The following OPRD1 variants were observed in gnomAD, a reference collection of about 807,000 sequenced individuals.
OPRD1 encodes the protein delta-type opioid receptor.
Under a neutral mutation model 17.5 loss-of-function variants are expected in OPRD1, and 19 were observed. The observed-to-expected ratio is 1.09, with a 90% confidence interval of 0.76 to 1.60. The LOEUF is 1.60. Ranked by LOEUF, OPRD1 falls within the 40% of genes most tolerant of loss-of-function variation. The probability of loss-of-function intolerance (pLI) is 0.00; values close to 1 mark genes in which losing one functional copy is unlikely to be tolerated. For missense variants in OPRD1, 483 were observed against 547.2 expected (o/e 0.88, Z 1.17); for synonymous variants, 256 against 240.9 (o/e 1.06, Z -0.58).
chr1:28,815,180 A>G (rs1260488315), intron 1 of OPRD1, among the ~76,000 whole-genome samples: 1 of 152,086 alleles, frequency 6.6e-6, no homozygotes, highest in Non-Finnish European at 1.5e-5. Flanking sequence ...CGTCGCAATC[A>G]CAGCTCACTG....
At chr1:28,824,459 G>C (rs377656947) in intron 1 of OPRD1, among the ~76,000 whole-genome samples, 1 of 150,874 alleles carries the variant, frequency 6.6e-6, no homozygotes, top group Non-Finnish European at 1.5e-5. Flanking sequence ...GACTACAGGC[G>C]CCCGCCACCA....
intron 2 of OPRD1, among the ~76,000 whole-genome samples, chr1:28,860,196 CTTT>C (rs2089100891): frequency 6.6e-6 from 1 of 152,082 alleles, no homozygotes. Context: ...GAAACCCTAT[CTTT>C]ACTAAAAGTA....
intron 1 of OPRD1, among the ~76,000 whole-genome samples, chr1:28,833,303 C>T (rs2088823537): frequency 6.6e-6 from 1 of 152,206 alleles, no homozygotes; most frequent in Non-Finnish European, 1.5e-5. Flanking sequence ...CTGCGTGGCT[C>T]TGTGGCACCA....
chr1:28,850,783 AAATAATAAT>A (rs144560328), intron 1 of OPRD1, among the ~76,000 whole-genome samples: 8,693 of 135,786 alleles, frequency 0.064, 528 homozygotes, highest in African/African-American at 0.16. Context: ...ATCTGTCTCA[AAATAATAAT>A]AATAATAATA....
At chr1:28,847,978 G>T (rs761190945) in intron 1 of OPRD1, among the ~76,000 whole-genome samples, 2 of 151,780 alleles carry the variant, frequency 1.3e-5, no homozygotes, top group Admixed American at 1.3e-4. Context: ...GCCAGGCACG[G>T]TGGCTCATGC....
At position 28,812,267 on chromosome 1, in the gene OPRD1, G is replaced by GGGCGCGGCAGCCGGCGGCGTCGGGGCCGC. The variant is rs1247684569; in HGVS notation, c.-113_-85dup. ...AGGCGCAGAGACAGCGGGGCGGCCG[G>GGGCGCGGCAGCCGGCGGCGTCGGGGCCGC]GGCGCGGCAGCCGGCGGCGTCGGGG... On this transcript the variant is annotated 5_prime_UTR_variant, in exon 1 of 3. Coordinates refer to ENST00000234961, the MANE Select transcript of OPRD1 (RefSeq NM_000911.4). 96 of 580,432 alleles carry GGGCGCGGCAGCCGGCGGCGTCGGGGCCGC rather than the reference G, an allele frequency of 1.7e-4. No homozygotes were observed. Among genetic ancestry groups the GGGCGCGGCAGCCGGCGGCGTCGGGGCCGC allele is most frequent in the Non-Finnish European group, 2.2e-4 (91 of 422,754 alleles). The allele number at this position is 580,432 out of a possible 1,614,324, so 36.0% of individuals were successfully genotyped here. A position where few individuals can be genotyped will look rare whatever the true frequency, so the allele number is the denominator to read the frequency against.
intron 1 of OPRD1, among the ~76,000 whole-genome samples, chr1:28,847,354 G>A (rs2088963350): frequency 6.6e-6 from 1 of 151,988 alleles, no homozygotes; most frequent in Non-Finnish European, 1.5e-5. Flanking sequence ...GCCCAGCCGA[G>A]CCTGTTTGCA....
intron 1 of OPRD1, among the ~76,000 whole-genome samples, chr1:28,830,542 C>T (rs1237997791): frequency 6.6e-6 from 1 of 151,904 alleles, no homozygotes; most frequent in East Asian, 1.9e-4. Context: ...ACAACAACAA[C>T]AACAACAAAA....
intron 1 of OPRD1, among the ~76,000 whole-genome samples, chr1:28,852,839 C>T (rs2089017173): frequency 6.6e-6 from 1 of 152,032 alleles, no homozygotes; most frequent in South Asian, 2.1e-4. Flanking sequence ...CTGCCTTGGC[C>T]TCCCGAGTTG....
intron 1 of OPRD1, among the ~76,000 whole-genome samples, chr1:28,839,953 G>A (rs777374474): frequency 2.6e-5 from 4 of 152,114 alleles, no homozygotes; most frequent in Non-Finnish European, 4.4e-5. Flanking sequence ...GCTCTGATTC[G>A]ATCTCTTTGG....
At chr1:28,846,897 CTTTCTTTCTT>C (rs1236037478) in intron 1 of OPRD1, among the ~76,000 whole-genome samples, 4 of 126,570 alleles carry the variant, frequency 3.2e-5, no homozygotes, top group East Asian at 2.3e-4. Flanking sequence ...TTTCTTTTCT[CTTTCTTTCTT>C]TTTCTTTCTT....
chr1:28,836,147 G>C (rs2088850651), intron 1 of OPRD1, among the ~76,000 whole-genome samples: 1 of 152,208 alleles, frequency 6.6e-6, no homozygotes, highest in African/African-American at 2.4e-5. Flanking sequence ...GCCATGCCTG[G>C]TGAGATGGTT....
In OPRD1 at chr1:28,858,135, C is replaced by T. The variant is rs1274886773; in HGVS notation, c.228-819C>T. On this transcript the variant is annotated intron_variant, in intron 1 of 2. Transcript: ENST00000234961. The stretch of plus-strand genomic sequence containing the variant: ...TTTTTCTTTTTTTTTTTTTTTGAGA[C>T]GGAGTCTCGCTTCTGTGGCCCAGGC... Among the ~76,000 whole-genome samples the T allele has an allele frequency of 5.9e-5, 7 of 119,474 alleles. No homozygotes were observed. The East Asian group carries it at 1.1e-3, about 18-fold the overall frequency. 78.4% of individuals were successfully genotyped at this position (119,474 alleles called of 152,430 possible).
At chr1:28,854,376 TCCACCATG>T (rs2089035844) in intron 1 of OPRD1, among the ~76,000 whole-genome samples, 1 of 151,706 alleles carries the variant, frequency 6.6e-6, no homozygotes, top group African/African-American at 2.4e-5. Context: ...ATAGGCACAC[TCCACCATG>T]CCCAACTAAT....
At chr1:28,855,566 G>T (rs925107870) in intron 1 of OPRD1, among the ~76,000 whole-genome samples, 3 of 152,122 alleles carry the variant, frequency 2.0e-5, no homozygotes, top group Admixed American at 6.5e-5. Flanking sequence ...AGAGAGGGGG[G>T]CCGTGAGGAG....
Position 28,859,163 on chromosome 1 carries a change from G to A in OPRD1, c.437G>A (p.Arg146His), listed in dbSNP as rs758783514. The A allele has an allele frequency of 5.0e-6, 8 of 1,614,232 alleles. No individual in the cohort carries two copies. The highest frequency in any genetic ancestry group is 5.9e-6 in the Non-Finnish European group (7 of 1,180,046). Residue 146 changes from arginine (R) to histidine (H), a missense_variant, in exon 2 of 3, where the codon CGC (arginine) becomes CAC (histidine). Physicochemically the swap from Arg to His is conservative, Grantham distance 29. Coordinates refer to ENST00000234961, the MANE Select transcript of OPRD1 (RefSeq NM_000911.4). ...ACGCTCACCATGATGAGTGTTGACC[G>A]CTACATCGCTGTCTGCCACCCTGTC... Reference protein sequence around the residue: ...IFTLTMMSVDRYIAVCHPVKA... With the variant: ...IFTLTMMSVDHYIAVCHPVKA...
rs1190385734 is a variant in OPRD1, at chr1:28,846,872, TTCTTTCTTTCTTTCTTTCTTTTC to T, written c.228-12068_228-12046del. On this transcript the variant is annotated intron_variant, in intron 1 of 2. Transcript: ENST00000234961. ...TTTCTTTCTTTCTTTCTTTCTTTCT[TTCTTTCTTTCTTTCTTTCTTTTC>T]TCTTTCTTTCTTTTTCTTTCTTTCT... is the stretch of plus-strand genomic sequence containing the variant. Among the ~76,000 whole-genome samples, 116 of 71,516 alleles carry T rather than the reference TTCTTTCTTTCTTTCTTTCTTTTC, an allele frequency of 1.6e-3. 1 individual carries two copies. The South Asian group carries it at 0.058, about 36-fold the overall frequency. The allele number at this position is 71,516 out of a possible 152,430, so 46.9% of individuals were successfully genotyped here. A position where few individuals can be genotyped will look rare whatever the true frequency, so the allele number is the denominator to read the frequency against.
At chr1:28,853,835 G>A (rs942333222) in intron 1 of OPRD1, among the ~76,000 whole-genome samples, 4 of 149,962 alleles carry the variant, frequency 2.7e-5, no homozygotes, top group Non-Finnish European at 5.9e-5. Flanking sequence ...TCTGCCTCCC[G>A]GGTTCAGGTG....
intron 1 of OPRD1, among the ~76,000 whole-genome samples, chr1:28,817,963 G>A (rs1196219702): frequency 4.6e-5 from 7 of 152,016 alleles, no homozygotes; most frequent in African/African-American, 1.4e-4. Context: ...CAAGTGATCC[G>A]CCAGCCTTGG....
Sources: allele counts gnomAD v4.1 joint callset (sites outside exome capture counted in the v4.1 genomes callset), GRCh38; gene constraint gnomAD v4.1.1; transcripts MANE v1.5; gene names NCBI Gene and HGNC (gene_info 2026-07-23, HGNC 2026-07-21).